The following VEZT variants were observed in gnomAD, a reference collection of about 807,000 sequenced individuals.
VEZT encodes vezatin.
In VEZT, 39 loss-of-function variants were observed where a neutral mutation model predicts 79.9. The ratio of observed to expected loss-of-function variants is 0.49; its 90% confidence interval spans 0.38 to 0.64. VEZT has a LOEUF of 0.64. Ranked by LOEUF, VEZT falls within the 30% of genes least tolerant of loss-of-function variation. The pLI, the probability that VEZT is intolerant of heterozygous loss-of-function variation, is 0.00. For synonymous variants in VEZT, 325 were observed against 327.6 expected, an observed-to-expected ratio of 0.99 and a Z score of 0.09; for missense variants, 837 against 893.1, an observed-to-expected ratio of 0.94 and a Z score of 0.80.
chr12:95,300,137 TTTC>T, intron 11 of VEZT, 25 bp from the exon 12 acceptor site: 2 of 1,330,320 alleles, frequency 1.5e-6, no homozygotes, highest in East Asian at 2.7e-5. Context: ...AGTTATTTTT[TTTC>T]TTTTTTCTTT....
chr12:95,236,295 C>T (rs1240085081), intron 1 of VEZT, among the ~76,000 whole-genome samples: 6 of 152,258 alleles, frequency 3.9e-5, no homozygotes, highest in East Asian at 1.9e-4. Context: ...TGGCGGCGCG[C>T]GCCTGTAATC....
intron 7 of VEZT, among the ~76,000 whole-genome samples, chr12:95,276,259 C>CTTTTTTTTTT (rs35034660): frequency 1.3e-4 from 10 of 75,144 alleles, no homozygotes; most frequent in Admixed American, 2.0e-4. Context: ...TAATTTTTTT[C>CTTTTTTTTTT]TTTTTTTTTT....
chr12:95,274,724 G>A lies in VEZT; in HGVS notation c.849-18G>A. On this transcript the variant is annotated intron_variant, in intron 6 of 11. Coordinates refer to ENST00000436874, the MANE Select transcript of VEZT (RefSeq NM_017599.4). ...CTTTCATGAAAAGGCTTTGTTGATT[G>A]CCTTAACCTAATTTAACCTACCCCC... 1 of 1,604,354 alleles carries A rather than the reference G, an allele frequency of 6.2e-7. No homozygotes were observed. Among genetic ancestry groups the A allele is most frequent in the Non-Finnish European group, 8.5e-7 (1 of 1,176,378 alleles).
chr12:95,250,593 G>T (rs921882805), intron 1 of VEZT, among the ~76,000 whole-genome samples: 4 of 151,860 alleles, frequency 2.6e-5, no homozygotes, highest in African/African-American at 7.3e-5. Flanking sequence ...GTGAGCCACC[G>T]CCCCCAGCCA....
intron 8 of VEZT, among the ~76,000 whole-genome samples, chr12:95,283,157 A>G (rs1005549145): frequency 6.6e-6 from 1 of 152,314 alleles, no homozygotes; most frequent in Non-Finnish European, 1.5e-5. Context: ...CAAAATGTAG[A>G]GTCTAGAGTT....
At chr12:95,293,241 G>T (rs2073392159) in intron 9 of VEZT, among the ~76,000 whole-genome samples, 1 of 152,190 alleles carries the variant, frequency 6.6e-6, no homozygotes, top group Non-Finnish European at 1.5e-5. Context: ...GTGCTATTCT[G>T]TCTCTCATTA....
chr12:95,268,358 C>T (rs2065930278), intron 5 of VEZT, among the ~76,000 whole-genome samples: 1 of 151,996 alleles, frequency 6.6e-6, no homozygotes, highest in East Asian at 1.9e-4. Context: ...ATTAGCCGGG[C>T]GTGGTGGCGG....
At chr12:95,290,332 A>C (rs1450182183) in intron 9 of VEZT, among the ~76,000 whole-genome samples, 1 of 152,240 alleles carries the variant, frequency 6.6e-6, no homozygotes, top group Non-Finnish European at 1.5e-5. Context: ...AGAAATATAA[A>C]AACTTAGTGT....
chr12:95,235,011 A>T (rs2059830391), intron 1 of VEZT, among the ~76,000 whole-genome samples: 1 of 151,734 alleles, frequency 6.6e-6, no homozygotes, highest in Admixed American at 6.6e-5. Flanking sequence ...AGGCAGAAGA[A>T]TTTTTCTTAG....
intron 5 of VEZT, chr12:95,269,840 G>T: frequency 2.5e-6 from 1 of 404,508 alleles, no homozygotes; most frequent in East Asian, 4.4e-5. Flanking sequence ...TTTTTTTAGT[G>T]GTTGTCTATA....
At chr12:95,279,326 C>CA (rs2068481937) in intron 7 of VEZT, among the ~76,000 whole-genome samples, 1 of 152,152 alleles carries the variant, frequency 6.6e-6, no homozygotes, top group Admixed American at 6.5e-5. Flanking sequence ...TAGGGATACT[C>CA]AATCAGTCCC....
chr12:95,274,851 C>T lies in VEZT; in HGVS notation c.958C>T (p.His320Tyr). ...AGAGCAGATTTCAGAAGAGGAAGCA[C>T]ATAACTTTACAGATGGCTTCAGCCT... ...SEEQISEEEA[H>Y]NFTDGFSLPA... Residue 320 changes from histidine to tyrosine, a missense_variant, in exon 7 of 12, where the codon CAT becomes TAT. Coordinates refer to ENST00000436874, the MANE Select transcript of VEZT (RefSeq NM_017599.4). 6.2e-7 allele frequency: 1 copy of T among 1,613,772 alleles called. No homozygotes were observed.
chr12:95,227,499 C>A (rs1174296875), intron 1 of VEZT, among the ~76,000 whole-genome samples: 1 of 152,098 alleles, frequency 6.6e-6, no homozygotes, highest in Admixed American at 6.6e-5. Flanking sequence ...TGCCACCACA[C>A]CCTGCTAATT....
intron 2 of VEZT, among the ~76,000 whole-genome samples, chr12:95,253,035 C>T (rs139303538): frequency 1.6e-4 from 25 of 152,270 alleles, no homozygotes; most frequent in African/African-American, 4.6e-4. Flanking sequence ...TATAAATTAT[C>T]ATAGGTTACT....
At chr12:95,260,228 C>A (rs995656012) in intron 3 of VEZT, among the ~76,000 whole-genome samples, 1 of 151,258 alleles carries the variant, frequency 6.6e-6, no homozygotes, top group East Asian at 2.0e-4. Context: ...GCCTCAGCCT[C>A]ACAAGTAGCT....
In VEZT at chr12:95,225,556, C is replaced by CAAACA. The variant is rs543072496; in HGVS notation, c.36+7699_36+7703dup. On this transcript the variant is annotated intron_variant, in intron 1 of 11. Coordinates refer to ENST00000436874, the MANE Select transcript of VEZT (RefSeq NM_017599.4). ...TGGGCGATAGAGCAAGACTCTGTCT[C>CAAACA]AAACAAAACAAAACAAAACAAAACA... Among the ~76,000 whole-genome samples the CAAACA allele has an allele frequency of 5.4e-3, 813 of 151,628 alleles. 2 individuals are homozygous for CAAACA. Among genetic ancestry groups the CAAACA allele is most frequent in the African/African-American group, 0.011 (469 of 41,312 alleles).
chr12:95,261,637 C>T (rs556446770), intron 3 of VEZT, among the ~76,000 whole-genome samples: 86 of 152,290 alleles, frequency 5.6e-4, no homozygotes, highest in African/African-American at 1.9e-3. Context: ...TCTCGAAATC[C>T]TGACCTCAGG....
At position 95,270,173 on chromosome 12, in the gene VEZT, T is replaced by A; in HGVS notation, c.833T>A (p.Leu278Gln). ...ANFQAARLAT[L>Q]YMLKNYPLNS... The stretch of plus-strand genomic sequence containing the variant: ...TTCCAAGCAGCAAGGCTAGCTACCC[T>A]ATATATGCTGAAAAAATATCCTTTT... The change falls in exon 6 of 12, where the codon CTA (leucine) becomes CAA (glutamine). Residue 278 changes from leucine to glutamine, a missense_variant. Transcript: ENST00000436874. The A allele has an allele frequency of 2.5e-6, 4 of 1,605,276 alleles. No homozygotes were observed. The highest frequency in any genetic ancestry group is 3.4e-6 in the Non-Finnish European group (4 of 1,176,468).
intron 7 of VEZT, among the ~76,000 whole-genome samples, chr12:95,280,457 CT>C (rs1437355668): frequency 4.2e-5 from 6 of 142,904 alleles, no homozygotes; most frequent in Admixed American, 7.0e-5. Context: ...CTCTCCCCCC[CT>C]TTCATATGTG....
Sources: gnomAD v4.1 joint callset for allele counts (sites outside exome capture counted in the v4.1 genomes callset) on GRCh38, gnomAD v4.1.1 for gene constraint, MANE v1.5 for transcripts, NCBI Gene and HGNC (gene_info 2026-07-23, HGNC 2026-07-21) for gene names.